The following E2F3 variants were observed in gnomAD, a reference collection of about 807,000 sequenced individuals.
E2F3 encodes transcription factor E2F3.
E2F3 carries 11 observed loss-of-function variants against 44.4 expected under a neutral mutation model. The ratio of observed to expected loss-of-function variants is 0.25; its 90% CI spans 0.16 to 0.41. The LOEUF is 0.41. Ranked by LOEUF, E2F3 falls within the 10% of genes least tolerant of loss-of-function variation. The pLI, the probability that E2F3 is intolerant of heterozygous loss-of-function variation, is 1.00. For synonymous variants in E2F3, 249 were observed against 253.0 expected (o/e 0.98, Z 0.15); for missense variants, 487 against 583.6 (o/e 0.83, Z 1.70).
intron 1 of E2F3, among the ~76,000 whole-genome samples, chr6:20,440,778 G>A (rs148758842): frequency 1.8e-4 from 28 of 152,314 alleles, no homozygotes; most frequent in Non-Finnish European, 3.7e-4. Context: ...GCCTCCTGCT[G>A]TAACTCTGGT....
At chr6:20,478,467 CTGA>C (rs1746238611) in intron 1 of E2F3, among the ~76,000 whole-genome samples, 1 of 152,152 alleles carries the variant, frequency 6.6e-6, no homozygotes, top group South Asian at 2.1e-4. Flanking sequence ...CTAGCTTCCG[CTGA>C]TAAGTTATTA....
chr6:20,413,418 TC>T (rs1415154334), intron 1 of E2F3, among the ~76,000 whole-genome samples: 1 of 152,204 alleles, frequency 6.6e-6, no homozygotes, highest in African/African-American at 2.4e-5. Context: ...AATGCTTATC[TC>T]AGCTCTTCCT....
intron 1 of E2F3, among the ~76,000 whole-genome samples, chr6:20,455,341 A>C (rs1435984666): frequency 2.6e-5 from 4 of 152,222 alleles, no homozygotes; most frequent in Admixed American, 2.6e-4. Context: ...TGCCTGTGCC[A>C]GGGAGGTCAG....
intron 1 of E2F3, among the ~76,000 whole-genome samples, chr6:20,455,899 G>A (rs1761295093): frequency 6.6e-6 from 1 of 152,128 alleles, no homozygotes; most frequent in African/African-American, 2.4e-5. Flanking sequence ...GTTTGCCGTG[G>A]CCACACCTCA....
At chr6:20,413,111 C>T (rs1277255207) in intron 1 of E2F3, among the ~76,000 whole-genome samples, 1 of 152,174 alleles carries the variant, frequency 6.6e-6, no homozygotes, top group African/African-American at 2.4e-5. Flanking sequence ...GAGCCTGGCT[C>T]CATAGTCTCA....
intron 1 of E2F3, among the ~76,000 whole-genome samples, chr6:20,439,767 A>G (rs1561861406): frequency 6.6e-6 from 1 of 152,104 alleles, no homozygotes; most frequent in Non-Finnish European, 1.5e-5. Flanking sequence ...CCTGGGCTCA[A>G]TCCTCCTGCC....
At chr6:20,488,432 C>T (rs957461374) in intron 6 of E2F3, among the ~76,000 whole-genome samples, 184 bp downstream of exon 6, 1 of 152,204 alleles carries the variant, frequency 6.6e-6, no homozygotes, top group Non-Finnish European at 1.5e-5. Flanking sequence ...ACGGCTCCTT[C>T]ACCCACTTAT....
At chr6:20,403,871 G>T (rs1316828414) in intron 1 of E2F3, 1 of 1,283,448 alleles carries the variant, frequency 7.8e-7, no homozygotes, top group South Asian at 1.4e-5. Flanking sequence ...CCGACGCCGC[G>T]GGGGCACCGG....
intron 1 of E2F3, among the ~76,000 whole-genome samples, chr6:20,464,384 A>C (rs1761632349): frequency 1.3e-5 from 2 of 152,170 alleles, no homozygotes; most frequent in African/African-American, 2.4e-5. Context: ...TCCTCCTTGC[A>C]TTCCTCAGGT....
Position 20,490,359 on chromosome 6 carries a change from G to T in E2F3, c.1327G>T (p.Gly443Cys). 6.2e-7 allele frequency: 1 copy of T among 1,613,474 alleles called. No individual in the cohort carries two copies. The highest frequency in any genetic ancestry group is 8.5e-7 in the Non-Finnish European group (1 of 1,179,714). Residue 443 changes from glycine (G) to cysteine (C), a missense_variant, in exon 7 of 7, where the codon GGC (glycine) becomes TGC (cysteine). By Grantham distance (159) the Gly-to-Cys change is radical (BLOSUM62 -3). Coordinates refer to ENST00000346618, the MANE Select transcript of E2F3 (RefSeq NM_001949.5). This position sits in a 1 kb window ranked among gnomAD's most constrained non-coding sequence, Gnocchi z 4.3. ...TCTCCTGAGCCTCGGGGAGGAGGAA[G>T]GCATCAGCGATCTCTTCGATGCTTA... ...DYLLSLGEEE[G>C]ISDLFDAYDL...
chr6:20,448,313 A>G lies in E2F3; in HGVS notation c.394-31533A>G, dbSNP rs201103866. ...CTTGCTTGCTGGTGTGTATCTTCCT[A>G]TAAATTCCTGGTATCCAGTGTCCAT... On this transcript the variant is annotated intron_variant, in intron 1 of 6. Transcript: ENST00000346618. Among the ~76,000 whole-genome samples the G allele has an allele frequency of 2.4e-4, 36 of 152,256 alleles. No homozygotes were observed. In the East Asian group the frequency reaches 5.8e-3, roughly 25 times the overall value.
chr6:20,465,529 T>C (rs905382002), intron 1 of E2F3, among the ~76,000 whole-genome samples: 5 of 152,188 alleles, frequency 3.3e-5, no homozygotes, highest in Non-Finnish European at 1.5e-5. Context: ...GTAAGTTCTT[T>C]AGTGGTGATT....
At chr6:20,433,753 T>C (rs1341678331) in intron 1 of E2F3, among the ~76,000 whole-genome samples, 1 of 152,256 alleles carries the variant, frequency 6.6e-6, no homozygotes, top group African/African-American at 2.4e-5. Context: ...TATATTTTCT[T>C]TTTTAAGACA....
At position 20,490,099 on chromosome 6, in the gene E2F3, C is replaced by T; in HGVS notation, c.1136-69C>T. On this transcript the variant is annotated intron_variant, in intron 6 of 6. Transcript: ENST00000346618. This position sits in a 1 kb window ranked among gnomAD's most constrained non-coding sequence, Gnocchi z 4.3. ...TGCTTTTTTCTAACAGCAACATATA[C>T]ATTCTTCCAGAAAAATTCATTTGAT... The T allele has an allele frequency of 1.3e-6, 2 of 1,485,778 alleles. No individual in the cohort carries two copies. Among genetic ancestry groups the T allele is most frequent in the Non-Finnish European group, 1.8e-6 (2 of 1,105,812 alleles). 92.0% of individuals were successfully genotyped at this position (1,485,778 alleles called of 1,614,324 possible). A position where few individuals can be genotyped will look rare whatever the true frequency, so the allele number is the denominator to read the frequency against.
At chr6:20,475,724 C>T (rs1762022903) in intron 1 of E2F3, among the ~76,000 whole-genome samples, 1 of 152,098 alleles carries the variant, frequency 6.6e-6, no homozygotes, top group Non-Finnish European at 1.5e-5. Flanking sequence ...AACTCCTGAC[C>T]TCAGGTGATC....
intron 1 of E2F3, among the ~76,000 whole-genome samples, chr6:20,407,910 A>G (rs1250112984): frequency 1.3e-5 from 2 of 152,236 alleles, no homozygotes; most frequent in Non-Finnish European, 2.9e-5. Flanking sequence ...ATTCCCATGA[A>G]GCCACCTGAA....
intron 1 of E2F3, among the ~76,000 whole-genome samples, chr6:20,474,921 T>C (rs1466903850): frequency 1.3e-5 from 2 of 152,126 alleles, no homozygotes; most frequent in Non-Finnish European, 2.9e-5. Flanking sequence ...AACGGGAACC[T>C]CCCTTCTGAA....
At chr6:20,454,172 C>T (rs1219673151) in intron 1 of E2F3, among the ~76,000 whole-genome samples, 1 of 152,102 alleles carries the variant, frequency 6.6e-6, no homozygotes, top group African/African-American at 2.4e-5. Flanking sequence ...TGGTCTTCCC[C>T]AGACCAGCAG....
chr6:20,488,203 A>G lies in E2F3; in HGVS notation c.1090A>G (p.Asn364Asp), dbSNP rs767067370. 16 of 1,610,880 alleles carry G rather than the reference A, an allele frequency of 9.9e-6. No individual in the cohort carries two copies. The highest frequency in any genetic ancestry group is 1.4e-5 in the Non-Finnish European group (16 of 1,179,300). Reference protein sequence around the residue: ...ETETHSPMKTNNQDHNGNIPK... With the variant: ...ETETHSPMKTDNQDHNGNIPK... Reference sequence around the variant, plus strand: ...TGAAACACACAGTCCAATGAAAACAAACAACCAAGACCACAATGGGAATAT... The same window carrying G: ...TGAAACACACAGTCCAATGAAAACAGACAACCAAGACCACAATGGGAATAT... The change falls in exon 6 of 7, where the codon AAC (asparagine) becomes GAC (aspartate). Residue 364 changes from asparagine to aspartate, a missense_variant. Transcript: ENST00000346618.
Sources: gnomAD v4.1 joint callset for allele counts (sites outside exome capture counted in the v4.1 genomes callset) on GRCh38, gnomAD v4.1.1 for gene constraint, Gnocchi (gnomAD v3.1) non-coding constraint, MANE v1.5 for transcripts, NCBI Gene and HGNC (gene_info 2026-07-23, HGNC 2026-07-21) for gene names.